Variants in CEP170 observed in about 807,000 individuals in gnomAD.
CEP170 encodes centrosomal protein of 170 kDa.
CEP170 carries 21 observed loss-of-function variants against 151.9 expected under a neutral mutation model. That is an observed-to-expected ratio of 0.14 (90% CI 0.10 to 0.20). CEP170 has a LOEUF of 0.20. Among genes scored for constraint, CEP170 ranks in the 10% least tolerant of loss-of-function variants. The pLI, the probability that CEP170 is intolerant of heterozygous loss-of-function variation, is 1.00. For synonymous variants in CEP170, 356 were observed against 648.8 expected (o/e 0.55, Z 6.86); for missense variants, 964 against 1,892.9 (o/e 0.51, Z 9.11).
At chr1:243,150,626 A>C (rs1478480674) in intron 14 of CEP170, among the ~76,000 whole-genome samples, 1 of 152,184 alleles carries the variant, frequency 6.6e-6, no homozygotes, top group African/African-American at 2.4e-5. Context: ...TAAACTGTAG[A>C]ATGTAATGCT....
intron 7 of CEP170, among the ~76,000 whole-genome samples, chr1:243,198,003 A>G (rs971594952): frequency 1.3e-5 from 2 of 152,100 alleles, no homozygotes; most frequent in African/African-American, 4.8e-5. Flanking sequence ...ATACCTAAAG[A>G]ACCAATGTTC....
At chr1:243,159,022 G>T (rs929973464) in intron 13 of CEP170, among the ~76,000 whole-genome samples, 23 of 152,058 alleles carry the variant, frequency 1.5e-4, no homozygotes, top group Admixed American at 5.9e-4. Flanking sequence ...AGCTGAGATC[G>T]CACCACTGCA....
intron 1 of CEP170, among the ~76,000 whole-genome samples, chr1:243,253,897 G>T (rs1382099821): frequency 1.3e-5 from 2 of 152,160 alleles, no homozygotes; most frequent in Admixed American, 6.5e-5. Flanking sequence ...TTCATTAAGA[G>T]AATAAAAATG....
chr1:243,222,635 A>G (rs2062917435), intron 2 of CEP170, among the ~76,000 whole-genome samples: 1 of 152,246 alleles, frequency 6.6e-6, no homozygotes, highest in African/African-American at 2.4e-5. Context: ...AAAAGCAAAG[A>G]GAGTATCAAA....
intron 14 of CEP170, among the ~76,000 whole-genome samples, chr1:243,155,040 A>G (rs1353311980): frequency 6.6e-6 from 1 of 152,316 alleles, no homozygotes; most frequent in East Asian, 1.9e-4. Flanking sequence ...CTCTCACTAC[A>G]AGCATTTTGT....
chr1:243,145,022 T>C (rs994415756), intron 14 of CEP170, among the ~76,000 whole-genome samples: 12 of 152,144 alleles, frequency 7.9e-5, no homozygotes, highest in Non-Finnish European at 1.8e-4. Context: ...AATTTTCCTA[T>C]GTAAATTATC....
intron 14 of CEP170, 58 bp from the exon 15 acceptor site, chr1:243,142,521 A>G (rs573608341): frequency 1.3e-6 from 2 of 1,539,746 alleles, no homozygotes; most frequent in Non-Finnish European, 1.8e-6. Context: ...CTCTAAAAAC[A>G]ATCATTTATG....
At chr1:243,146,252 C>T (rs557836343) in intron 14 of CEP170, among the ~76,000 whole-genome samples, 29 of 152,034 alleles carry the variant, frequency 1.9e-4, no homozygotes, top group Non-Finnish European at 2.8e-4. Context: ...ATATGGTCAG[C>T]GATTCATAAA....
At chr1:243,246,149 T>A (rs1315365157) in intron 1 of CEP170, among the ~76,000 whole-genome samples, 3 of 151,688 alleles carry the variant, frequency 2.0e-5, no homozygotes, top group African/African-American at 7.3e-5. Flanking sequence ...ATTTTAAGCA[T>A]AATTTGTTGA....
chr1:243,250,436 G>C (rs1461998980), intron 1 of CEP170, among the ~76,000 whole-genome samples: 1 of 152,216 alleles, frequency 6.6e-6, no homozygotes, highest in African/African-American at 2.4e-5. Flanking sequence ...CATCACCTGT[G>C]TGTTTATACA....
chr1:243,229,649 C>T (rs1260513443), intron 1 of CEP170, among the ~76,000 whole-genome samples: 1 of 152,154 alleles, frequency 6.6e-6, no homozygotes, highest in South Asian at 2.1e-4. Flanking sequence ...TTCCTGGAGC[C>T]AGGGTACACA....
At position 243,132,837 on chromosome 1, in the gene CEP170, G is replaced by A. The variant is rs1164143431; in HGVS notation, c.4319+3306C>T. Among the ~76,000 whole-genome samples, 3 of 152,158 alleles carry A rather than the reference G, an allele frequency of 2.0e-5. No homozygotes were observed. In the East Asian group the frequency reaches 5.8e-4, roughly 29 times the overall value. Reference sequence around the variant, plus strand: ...GTTAAGACTCCAGTTAGCAGGGACGGACCTGTATTTCAGTAGGTAGGATGA... The same window carrying A: ...GTTAAGACTCCAGTTAGCAGGGACGAACCTGTATTTCAGTAGGTAGGATGA... On this transcript the variant is annotated intron_variant, in intron 17 of 19. Transcript: ENST00000366542.
At chr1:243,190,404 T>C (rs1425987023) in intron 8 of CEP170, among the ~76,000 whole-genome samples, 1 of 152,152 alleles carries the variant, frequency 6.6e-6, no homozygotes, top group Non-Finnish European at 1.5e-5. Flanking sequence ...ACAAATAAAG[T>C]ATATATAACT....
At chr1:243,130,206 T>C (rs949670468) in intron 17 of CEP170, among the ~76,000 whole-genome samples, 2 of 152,164 alleles carry the variant, frequency 1.3e-5, no homozygotes, top group African/African-American at 4.8e-5. Flanking sequence ...TTGAATTAGG[T>C]ATAAACAATT....
chr1:243,165,801 A>G lies in CEP170; in HGVS notation c.2159T>C (p.Leu720Pro), dbSNP rs769850810. 5.3e-5 allele frequency: 86 copies of G among 1,613,906 alleles called. 1 individual carries two copies. Among genetic ancestry groups the G allele is most frequent in the South Asian group, 2.2e-4 (20 of 91,090 alleles). ...TCCAGGAGCAGAGCTGCCTAAGTGA[A>G]GTAGGGTTTTATTATCTCCACCAGT... Reference protein sequence around the residue: ...LKTGGDNKTLLHLGSSAPGKE... With the variant: ...LKTGGDNKTLPHLGSSAPGKE... Residue 720 changes from leucine (L) to proline (P), a missense_variant, in exon 13 of 20, where the codon CTT becomes CCT. Leu to Pro is a moderately conservative substitution (Grantham distance 98, BLOSUM62 -3). Transcript: ENST00000366542.
chr1:243,220,683 A>G (rs922310967), intron 3 of CEP170, among the ~76,000 whole-genome samples: 21 of 152,234 alleles, frequency 1.4e-4, no homozygotes, highest in Non-Finnish European at 1.2e-4. Flanking sequence ...TCATTTTAAG[A>G]ATTTCAGCAG....
intron 1 of CEP170, chr1:243,254,294 T>C (rs2066305292): frequency 6.6e-6 from 1 of 152,150 alleles, no homozygotes; most frequent in Admixed American, 6.5e-5. Context: ...CGCCCTGTGT[T>C]AGGCAGCTGC....
intron 1 of CEP170, among the ~76,000 whole-genome samples, chr1:243,226,013 A>C (rs557955598): frequency 6.9e-6 from 1 of 145,380 alleles, no homozygotes; most frequent in Non-Finnish European, 1.5e-5. Context: ...ATATCTAGAT[A>C]TATATACACA....
At chr1:243,170,632 A>G (rs2058770379) in intron 11 of CEP170, among the ~76,000 whole-genome samples, 4 of 152,166 alleles carry the variant, frequency 2.6e-5, no homozygotes, top group Admixed American at 2.0e-4. Flanking sequence ...CGTCTCTACG[A>G]AAAACACAAA....
Sources: allele counts gnomAD v4.1 joint callset (sites outside exome capture counted in the v4.1 genomes callset), GRCh38; gene constraint gnomAD v4.1.1; transcripts MANE v1.5; gene names NCBI Gene and HGNC (gene_info 2026-07-23, HGNC 2026-07-21).